CSMD2: variants seen among roughly 807,000 people sequenced by gnomAD.
CSMD2 encodes CUB and sushi domain-containing protein 2.
Under a neutral mutation model 398.5 loss-of-function variants are expected in CSMD2, and 130 were observed. The ratio of observed to expected loss-of-function variants is 0.33; its 90% CI spans 0.28 to 0.38. CSMD2 has a LOEUF of 0.38. Among genes scored for constraint, CSMD2 ranks in the 10% least tolerant of loss-of-function variants. CSMD2 has a pLI of 1.00. For synonymous variants in CSMD2, 1,828 were observed against 1,908.5 expected, an observed-to-expected ratio of 0.96 and a Z score of 1.10; for missense variants, 3,829 against 4,764.9, an observed-to-expected ratio of 0.80 and a Z score of 5.78.
chr1:33,749,830 A>G (rs1350250739), intron 13 of CSMD2, among the ~76,000 whole-genome samples: 1 of 152,234 alleles, frequency 6.6e-6, no homozygotes, highest in African/African-American at 2.4e-5. Flanking sequence ...GGAAACTGGA[A>G]AATACTTAGT....
intron 22 of CSMD2, among the ~76,000 whole-genome samples, chr1:33,707,407 G>C (rs1333864165): frequency 6.6e-6 from 1 of 152,158 alleles, no homozygotes; most frequent in African/African-American, 2.4e-5. Context: ...TGCACCCTCT[G>C]AGACTCAAAT....
At chr1:33,691,167 C>T (rs1645226307) in intron 25 of CSMD2, among the ~76,000 whole-genome samples, 1 of 152,112 alleles carries the variant, frequency 6.6e-6, no homozygotes, top group African/African-American at 2.4e-5. Flanking sequence ...TTTTGCTTTG[C>T]CGGAATGTCA....
intron 3 of CSMD2, among the ~76,000 whole-genome samples, chr1:33,941,556 T>A (rs972346250): frequency 3.9e-5 from 6 of 152,180 alleles, no homozygotes; most frequent in Non-Finnish European, 8.8e-5. Context: ...ATGTGTGTGA[T>A]CTGGGGGCAG....
intron 3 of CSMD2, among the ~76,000 whole-genome samples, chr1:33,942,597 G>C (rs536291587): frequency 6.6e-6 from 1 of 152,336 alleles, no homozygotes; most frequent in African/African-American, 2.4e-5. Flanking sequence ...TCAGCATCAT[G>C]GTTATGTGGA....
intron 10 of CSMD2, among the ~76,000 whole-genome samples, chr1:33,801,933 T>C (rs1655657134): frequency 6.6e-6 from 1 of 152,202 alleles, no homozygotes; most frequent in Non-Finnish European, 1.5e-5. Context: ...AATTGCATTG[T>C]TGACAGAAGT....
At chr1:33,818,758 A>G (rs1657763354) in intron 9 of CSMD2, among the ~76,000 whole-genome samples, 1 of 152,346 alleles carries the variant, frequency 6.6e-6, no homozygotes, top group Non-Finnish European at 1.5e-5. Context: ...CTTCTAGATT[A>G]CTTATGGACT....
At chr1:34,096,041 A>T (rs1029578510) in intron 1 of CSMD2, among the ~76,000 whole-genome samples, 2 of 152,032 alleles carry the variant, frequency 1.3e-5, no homozygotes, top group African/African-American at 2.4e-5. Context: ...ATCCAGCAGC[A>T]CATCAAAAAG....
intron 41 of CSMD2, 101 bp downstream of exon 41, chr1:33,610,940 T>A: frequency 8.7e-7 from 1 of 1,150,486 alleles, no homozygotes; most frequent in African/African-American, 1.5e-5. Context: ...CCACCCCTTA[T>A]GGTGTTCTGT....
chr1:33,933,464 G>T (rs1276671268), intron 4 of CSMD2, among the ~76,000 whole-genome samples: 1 of 152,184 alleles, frequency 6.6e-6, no homozygotes, highest in South Asian at 2.1e-4. Context: ...AAATAGCATG[G>T]CATTTATAGT....
chr1:34,089,788 C>T (rs535626963), intron 1 of CSMD2, among the ~76,000 whole-genome samples: 1 of 152,280 alleles, frequency 6.6e-6, no homozygotes, highest in African/African-American at 2.4e-5. Flanking sequence ...CTGTTTCTTT[C>T]TAACGTGTGT....
intron 5 of CSMD2, chr1:33,862,343 C>CTATGTGTG (rs542219181): frequency 8.8e-6 from 1 of 114,006 alleles, no homozygotes; most frequent in Non-Finnish European, 1.8e-5. Flanking sequence ...ATAAGCTACT[C>CTATGTGTG]TGTGTGTGTG....
Position 34,156,875 on chromosome 1 carries a change from C to T in CSMD2, c.187+8036G>A, listed in dbSNP as rs533496983. 1.2e-4 allele frequency among the ~76,000 whole-genome samples: 19 copies of T among 152,276 alleles called. No individual in the cohort carries two copies. In the East Asian group the frequency reaches 3.7e-3, roughly 29 times the overall value. On this transcript the variant is annotated intron_variant, in intron 1 of 70. Transcript: ENST00000373381. ...GTTTAAAATTTTCCAACAATACAAA[C>T]ACAAACAGGTGGAAAGTAAGAGAGT...
chr1:34,025,829 A>C (rs1354078219), intron 3 of CSMD2, among the ~76,000 whole-genome samples: 1 of 152,228 alleles, frequency 6.6e-6, no homozygotes, highest in African/African-American at 2.4e-5. Context: ...ATGAATATGA[A>C]GAACACTCTG....
chr1:33,979,154 T>C (rs1368643148), intron 3 of CSMD2, among the ~76,000 whole-genome samples: 4 of 152,148 alleles, frequency 2.6e-5, no homozygotes, highest in Non-Finnish European at 5.9e-5. Flanking sequence ...CCCTTCTCTG[T>C]CTTTCTGAGG....
At position 34,078,242 on chromosome 1, in the gene CSMD2, G is replaced by A. The variant is rs530640012; in HGVS notation, c.404+10735C>T. On this transcript the variant is annotated intron_variant, in intron 2 of 70. Coordinates refer to ENST00000373381, the MANE Select transcript of CSMD2 (RefSeq NM_001281956.2). The stretch of plus-strand genomic sequence containing the variant: ...TCTGGCCCCACTGTCTGTGTGGGAA[G>A]GGAGAGGAGAGGAGGCTATCATGGG... Among the ~76,000 whole-genome samples the A allele has an allele frequency of 3.3e-5, 5 of 152,100 alleles. No homozygotes were observed. In the South Asian group the frequency reaches 1.0e-3, roughly 32 times the overall value.
chr1:33,891,268 C>T (rs1187937875), intron 5 of CSMD2, among the ~76,000 whole-genome samples: 3 of 151,304 alleles, frequency 2.0e-5, no homozygotes, highest in African/African-American at 7.3e-5. Context: ...CAAAAGAAGA[C>T]ATTTATGCAG....
chr1:33,986,350 G>T (rs566350692), intron 3 of CSMD2, among the ~76,000 whole-genome samples: 8 of 152,282 alleles, frequency 5.3e-5, no homozygotes, highest in African/African-American at 1.9e-4. Flanking sequence ...GGGTAGGCAG[G>T]GGAAGGGAAG....
Position 33,519,449 on chromosome 1 carries a change from C to A in CSMD2, c.*53+16G>T. 1.3e-6 allele frequency: 2 copies of A among 1,525,890 alleles called. No individual in the cohort carries two copies. The highest frequency in any genetic ancestry group is 2.7e-5 in the African/African-American group (2 of 73,014). 94.5% of individuals were successfully genotyped at this position (1,525,890 alleles called of 1,614,324 possible). A position where few individuals can be genotyped will look rare whatever the true frequency, so the allele number is the denominator to read the frequency against. ...GTGCTTGTCATGGCCTGTCTTCCTC[C>A]CACACCCCTGCTCACCGGCTGCTGG... On this transcript the variant is annotated intron_variant, in intron 70 of 70. Coordinates refer to ENST00000373381, the MANE Select transcript of CSMD2 (RefSeq NM_001281956.2). This position sits in a 1 kb window ranked among gnomAD's most constrained non-coding sequence, Gnocchi z 5.6.
intron 5 of CSMD2, among the ~76,000 whole-genome samples, chr1:33,890,209 G>C (rs900959756): frequency 1.0e-4 from 15 of 148,932 alleles, no homozygotes; most frequent in Non-Finnish European, 3.0e-5. Flanking sequence ...ATATATAAAA[G>C]AATATACATA....
Sources: allele counts gnomAD v4.1 joint callset (sites outside exome capture counted in the v4.1 genomes callset), GRCh38; gene constraint gnomAD v4.1.1; non-coding constraint Gnocchi (gnomAD v3.1); transcripts MANE v1.5; gene names NCBI Gene and HGNC (gene_info 2026-07-23, HGNC 2026-07-21).